The following SMC2 variants were observed in gnomAD, a reference collection of about 807,000 sequenced individuals.
SMC2 encodes structural maintenance of chromosomes protein 2.
In SMC2, 41 loss-of-function variants were observed where a neutral mutation model predicts 142.6. The ratio of observed to expected loss-of-function variants is 0.29; its 90% CI spans 0.22 to 0.37. The LOEUF is 0.37. Ranked by LOEUF, SMC2 falls within the 10% of genes least tolerant of loss-of-function variation. The pLI, the probability that SMC2 is intolerant of heterozygous loss-of-function variation, is 1.00. For synonymous variants in SMC2, 463 were observed against 457.5 expected, an observed-to-expected ratio of 1.01 and a Z score of -0.15; for missense variants, 1,265 against 1,373.7, an observed-to-expected ratio of 0.92 and a Z score of 1.25.
chr9:104,094,725 A>T (rs1287928076), intron 1 of SMC2: 5 of 314,204 alleles, frequency 1.6e-5, no homozygotes, highest in African/African-American at 8.6e-5. Flanking sequence ...AGAATATGAG[A>T]TACATCTCAT....
intron 9 of SMC2, among the ~76,000 whole-genome samples, chr9:104,106,857 G>A (rs1323734821): frequency 1.3e-5 from 2 of 152,124 alleles, no homozygotes; most frequent in African/African-American, 2.4e-5. Context: ...CCCATTGAGC[G>A]TAATGCCCAT....
chr9:104,092,579 A>C (rs530488238), upstream of SMC2: 4 of 152,384 alleles, frequency 2.6e-5, no homozygotes, highest in South Asian at 8.3e-4. Flanking sequence ...CAGGGGATGC[A>C]GGAATCAAGG....
intron 13 of SMC2, 109 bp downstream of exon 13, chr9:104,114,938 C>T (rs2131404446): frequency 1.2e-6 from 1 of 812,468 alleles, no homozygotes; most frequent in African/African-American, 1.7e-5. Context: ...CCTAAGGTGA[C>T]TTATTTATAG....
At chr9:104,094,121 T>C (rs1454665202), upstream of SMC2, 4 of 361,672 alleles carry the variant, frequency 1.1e-5, no homozygotes, top group Admixed American at 9.3e-5. Flanking sequence ...CACTATCTGC[T>C]CCTGTAGTGC....
Position 104,126,662 on chromosome 9 carries a change from G to C in SMC2, c.2473G>C (p.Glu825Gln), listed in dbSNP as rs1284357607. 6.2e-7 allele frequency: 1 copy of C among 1,609,970 alleles called. No homozygotes were observed. Among genetic ancestry groups the C allele is most frequent in the Non-Finnish European group, 8.5e-7 (1 of 1,179,126 alleles). Residue 825 changes from glutamate (E) to glutamine (Q), a missense_variant, in exon 19 of 25, where the codon GAA (glutamate) becomes CAA (glutamine). Around this residue, in one of 4 missense-constraint regions of SMC2, gnomAD observed 898 missense variants for 904.2 expected, o/e 0.99. Transcript: ENST00000374793. The part of the protein sequence containing the change: ...KQQEVEAITL[E>Q]LEELKREHTS... The stretch of plus-strand genomic sequence containing the variant: ...ATAGGAAGTTGAAGCTATCACTCTG[G>C]AACTGGAAGAGCTCAAGAGAGAGCA...
chr9:104,115,658 G>A (rs10820603), intron 13 of SMC2, among the ~76,000 whole-genome samples: 89,881 of 151,960 alleles, frequency 0.59, 28,049 homozygotes, highest in African/African-American at 0.75. Flanking sequence ...ATTGTAGTCA[G>A]ACATATTAAC....
In SMC2 at chr9:104,129,635, A is replaced by G. The variant is rs112312437; in HGVS notation, c.2791-10A>G. On this transcript the variant is annotated splice_polypyrimidine_tract_variant and intron_variant, in intron 20 of 24. Coordinates refer to ENST00000374793, the MANE Select transcript of SMC2 (RefSeq NM_006444.3). ...TCATAGATCTCCCATCTATTTTTAT[A>G]TGTGGCTAGGTATCCAAAATGTTGA... The G allele has an allele frequency of 6.2e-7, 1 of 1,606,220 alleles. No individual in the cohort carries two copies.
rs908362100 is a variant in SMC2 at position 104,139,981 on chromosome 9, T to C, written c.*666T>C. 2.6e-5 allele frequency: 4 copies of C among 152,168 alleles called. No individual in the cohort carries two copies. Among genetic ancestry groups the C allele is most frequent in the Admixed American group, 2.6e-4 (4 of 15,274 alleles). The allele number at this position is 152,168 out of a possible 1,614,324, so 9.4% of individuals were successfully genotyped here. A position where few individuals can be genotyped will look rare whatever the true frequency, so the allele number is the denominator to read the frequency against. Reference sequence around the variant, plus strand: ...GTTCCTATACGCTTAATAATTGGTCTCTACGACTTTAATGTTTTTGTTTTT... The same window carrying C: ...GTTCCTATACGCTTAATAATTGGTCCCTACGACTTTAATGTTTTTGTTTTT... On this transcript the variant is annotated 3_prime_UTR_variant, in exon 25 of 25. Transcript: ENST00000374793.
chr9:104,121,212 G>A (rs1587963880), intron 16 of SMC2, among the ~76,000 whole-genome samples: 1 of 152,294 alleles, frequency 6.6e-6, no homozygotes, highest in East Asian at 1.9e-4. Context: ...TGAAAGTTTG[G>A]CCAGGCCTAG....
At chr9:104,096,434 A>G in intron 3 of SMC2, 137 bp downstream of exon 3, 3 of 702,084 alleles carry the variant, frequency 4.3e-6, no homozygotes, top group Admixed American at 2.6e-5. Context: ...AGATTCCTTA[A>G]TGTCTTCCTT....
intron 14 of SMC2, among the ~76,000 whole-genome samples, chr9:104,117,052 C>T (rs1333816538): frequency 1.3e-5 from 2 of 152,098 alleles, no homozygotes; most frequent in East Asian, 3.8e-4. Flanking sequence ...TCCTTAGTTA[C>T]ATTCAGAAGA....
intron 20 of SMC2, among the ~76,000 whole-genome samples, chr9:104,129,122 C>A (rs1564111549): frequency 5.9e-5 from 9 of 152,112 alleles, no homozygotes. Flanking sequence ...ATAGGAAGAT[C>A]TTTTGCTATA....
chr9:104,111,454 T>TG, intron 9 of SMC2, 127 bp from the exon 10 acceptor site: 1 of 595,794 alleles, frequency 1.7e-6, no homozygotes, highest in East Asian at 2.8e-5. Flanking sequence ...AAAGTTATGA[T>TG]GGTTAAATTA....
Position 104,138,004 on chromosome 9 carries a change from T to C in SMC2, c.3270-14T>C. ...AATCAAATTTTTATGGCTTTTCTTC[T>C]GACCTTTTCTTAGGTCTTTAGTGGC... On this transcript the variant is annotated splice_polypyrimidine_tract_variant and intron_variant, in intron 23 of 24. Transcript: ENST00000374793. 1 of 1,539,986 alleles carries C rather than the reference T, an allele frequency of 6.5e-7. No homozygotes were observed. Among genetic ancestry groups the C allele is most frequent in the South Asian group, 1.3e-5 (1 of 79,198 alleles).
chr9:104,123,396 A>G (rs904281031), intron 17 of SMC2, 164 bp downstream of exon 17: 24 of 514,454 alleles, frequency 4.7e-5, no homozygotes, highest in Non-Finnish European at 3.1e-5. Flanking sequence ...GGTCATTTTC[A>G]TCTTTATTGT....
At chr9:104,137,834 T>C (rs1349732517) in intron 23 of SMC2, among the ~76,000 whole-genome samples, 184 bp from the exon 24 acceptor site, 1 of 149,350 alleles carries the variant, frequency 6.7e-6, no homozygotes. Flanking sequence ...AAAGCTAAAA[T>C]AAAAGAAATA....
chr9:104,097,794 A>G (rs1324299621), intron 3 of SMC2, among the ~76,000 whole-genome samples: 1 of 152,250 alleles, frequency 6.6e-6, no homozygotes, highest in African/African-American at 2.4e-5. Flanking sequence ...TTTATTAAAT[A>G]GTTGATGTAT....
chr9:104,132,099 C>T lies in SMC2; in HGVS notation c.3082C>T (p.Gln1028Ter). ...AGAAGACCTTGACCAGAAGAAAAAC[C>T]AAGCCCTAAATATTGCATGGCAAAA... ...TIEDLDQKKNQALNIAWQKVN... is the reference protein window; with the variant it reads ...TIEDLDQKKN Residue 1028 changes from glutamine to a stop codon, truncating the protein, a stop_gained, in exon 22 of 25, where the codon CAA becomes TAA. Coordinates refer to ENST00000374793, the MANE Select transcript of SMC2 (RefSeq NM_006444.3). LOFTEE classifies it high-confidence loss of function. The T allele has an allele frequency of 6.3e-7, 1 of 1,591,772 alleles. No homozygotes were observed. The highest frequency in any genetic ancestry group is 8.6e-7 in the Non-Finnish European group (1 of 1,168,060).
intron 3 of SMC2, among the ~76,000 whole-genome samples, chr9:104,098,203 C>G (rs537000510): frequency 6.6e-6 from 1 of 152,244 alleles, no homozygotes; most frequent in South Asian, 2.1e-4. Flanking sequence ...CTGGTGCAGG[C>G]CAGGGTAAGA....
Sources: allele counts gnomAD v4.1 joint callset (sites outside exome capture counted in the v4.1 genomes callset), GRCh38; gene constraint gnomAD v4.1.1; regional missense constraint gnomAD v4.1.1; transcripts MANE v1.5; gene names NCBI Gene and HGNC (gene_info 2026-07-23, HGNC 2026-07-21).